Variants in HPSE2 observed in about 807,000 individuals in gnomAD.
The protein encoded by HPSE2 is inactive heparanase-2.
A neutral mutation model predicts 60.5 loss-of-function variants in HPSE2; 38 were observed. The observed-to-expected ratio is 0.63, with a 90% CI of 0.48 to 0.82. HPSE2 has a LOEUF of 0.82. Among genes scored for constraint, HPSE2 ranks in the 40% least tolerant of loss-of-function variants. HPSE2 has a pLI of 0.00. For synonymous variants in HPSE2, 295 were observed against 293.2 expected, an observed-to-expected ratio of 1.01 and a Z score of -0.06; for missense variants, 713 against 740.4, an observed-to-expected ratio of 0.96 and a Z score of 0.43.
chr10:99,135,063 G>A (rs892917911), intron 3 of HPSE2, among the ~76,000 whole-genome samples: 13 of 152,022 alleles, frequency 8.6e-5, no homozygotes, highest in East Asian at 1.9e-4. Flanking sequence ...CAGGAGTTGC[G>A]ATCTTAATCT....
At chr10:98,917,849 T>C (rs1049727683) in intron 3 of HPSE2, among the ~76,000 whole-genome samples, 2 of 152,234 alleles carry the variant, frequency 1.3e-5, no homozygotes, top group African/African-American at 2.4e-5. Flanking sequence ...TTAGTCTTTC[T>C]GATGGCAATG....
chr10:98,613,880 T>C (rs907596118), intron 9 of HPSE2, among the ~76,000 whole-genome samples: 1 of 152,220 alleles, frequency 6.6e-6, no homozygotes, highest in South Asian at 2.1e-4. Context: ...ACTTCTGTGA[T>C]AAAGGATAAC....
chr10:99,244,485 C>A, the HPSE2 span, among the ~76,000 whole-genome samples: 61 of 148,594 alleles, frequency 4.1e-4, no homozygotes, highest in Middle Eastern at 3.5e-3. Context: ...TGGCTCACTG[C>A]AGTCTCTACT....
intron 2 of HPSE2, among the ~76,000 whole-genome samples, chr10:99,152,090 T>C (rs1589737221): frequency 1.3e-5 from 2 of 151,644 alleles, no homozygotes; most frequent in African/African-American, 4.8e-5. Context: ...GGCGGGCAGA[T>C]CACGAGGTCA....
chr10:98,503,574 T>C (rs1942099434), intron 9 of HPSE2, among the ~76,000 whole-genome samples: 1 of 152,172 alleles, frequency 6.6e-6, no homozygotes, highest in Non-Finnish European at 1.5e-5. Flanking sequence ...CGCATGTTTA[T>C]AGCAGCACAA....
chr10:98,827,144 C>A (rs1381502643), intron 3 of HPSE2, among the ~76,000 whole-genome samples: 1 of 128,702 alleles, frequency 7.8e-6, no homozygotes, highest in Non-Finnish European at 1.7e-5. Context: ...GAGCAAGACC[C>A]TGTCTCTAAA....
chr10:98,520,883 A>T (rs1210773323), intron 9 of HPSE2, among the ~76,000 whole-genome samples: 1 of 152,244 alleles, frequency 6.6e-6, no homozygotes, highest in African/African-American at 2.4e-5. Flanking sequence ...AAAACAAGAA[A>T]TGGGGAAAGG....
At chr10:99,063,474 A>G (rs1842514070) in intron 3 of HPSE2, among the ~76,000 whole-genome samples, 1 of 152,186 alleles carries the variant, frequency 6.6e-6, no homozygotes, top group Non-Finnish European at 1.5e-5. Flanking sequence ...GGTAATACCC[A>G]TGTTGGCAAT....
At chr10:98,767,777 C>A (rs1950156284) in intron 3 of HPSE2, among the ~76,000 whole-genome samples, 1 of 144,428 alleles carries the variant, frequency 6.9e-6, no homozygotes. Context: ...ATTACTACAT[C>A]ATATATAAAT....
At chr10:98,509,604 C>A (rs1942319693) in intron 9 of HPSE2, among the ~76,000 whole-genome samples, 1 of 151,868 alleles carries the variant, frequency 6.6e-6, no homozygotes, top group Non-Finnish European at 1.5e-5. Context: ...TGGGTTCAAG[C>A]AAATCTCTTG....
chr10:98,574,572 G>GCA, intron 9 of HPSE2, among the ~76,000 whole-genome samples: 1 of 152,052 alleles, frequency 6.6e-6, no homozygotes, highest in South Asian at 2.1e-4. Context: ...TGAAGAATCT[G>GCA]GAACCACTCT....
Position 99,164,750 on chromosome 10 carries a change from C to T in HPSE2, c.449-20351G>A, listed in dbSNP as rs118118868. Among the ~76,000 whole-genome samples the T allele has an allele frequency of 8.8e-4, 133 of 151,942 alleles. 3 individuals are homozygous for T. In the East Asian group the frequency reaches 0.015, roughly 18 times the overall value. On this transcript the variant is annotated intron_variant, in intron 2 of 11. Transcript: ENST00000370552. ...ACTAAAGAATTCATTTTAGGCCAGG[C>T]GCAGTGGCGCATGCCTGTATTCCCA...
intron 3 of HPSE2, chr10:99,013,049 A>C (rs1026528740): frequency 2.0e-6 from 1 of 490,118 alleles, no homozygotes; most frequent in African/African-American, 2.0e-5. Context: ...GCTTTCAGGT[A>C]AAGTTTAGCA....
At chr10:98,656,274 A>G (rs1947060487) in intron 6 of HPSE2, among the ~76,000 whole-genome samples, 1 of 152,050 alleles carries the variant, frequency 6.6e-6, no homozygotes, top group Non-Finnish European at 1.5e-5. Context: ...TTTAGTACAG[A>G]TGGGGTTTCA....
At chr10:99,315,052 G>A in the HPSE2 span, among the ~76,000 whole-genome samples, 153 of 152,340 alleles carry the variant, frequency 1.0e-3, 1 homozygote, top group African/African-American at 3.5e-3. Context: ...AGGAATGGAT[G>A]AGAAGTACAC....
At chr10:98,568,425 C>T (rs1944405899) in intron 9 of HPSE2, among the ~76,000 whole-genome samples, 1 of 152,128 alleles carries the variant, frequency 6.6e-6, no homozygotes, top group Non-Finnish European at 1.5e-5. Context: ...TGGCACATTT[C>T]AGGAGCCATG....
chr10:98,947,893 C>T (rs1190280789), intron 3 of HPSE2, among the ~76,000 whole-genome samples: 2 of 152,052 alleles, frequency 1.3e-5, no homozygotes. Context: ...TAAGGGATGG[C>T]TTTTAAAGTT....
chr10:98,879,959 ATGACT>A (rs557209425), intron 3 of HPSE2, among the ~76,000 whole-genome samples: 115 of 151,674 alleles, frequency 7.6e-4, no homozygotes, highest in Non-Finnish European at 1.2e-3. Context: ...CTTTCTGTAC[ATGACT>A]TTGCCTTCAG....
At chr10:99,279,225 T>C in the HPSE2 span, among the ~76,000 whole-genome samples, 1 of 152,204 alleles carries the variant, frequency 6.6e-6, no homozygotes, top group Admixed American at 6.5e-5. Context: ...AGGATTCCAT[T>C]GCTCTTTACT....
Sources: gnomAD v4.1 joint callset for allele counts (sites outside exome capture counted in the v4.1 genomes callset) on GRCh38, gnomAD v4.1.1 for gene constraint, MANE v1.5 for transcripts, NCBI Gene and HGNC (gene_info 2026-07-23, HGNC 2026-07-21) for gene names.